The following THSD7A variants were observed in gnomAD, a reference collection of about 807,000 sequenced individuals.
THSD7A encodes thrombospondin type 1 domain containing 7A.
In THSD7A, 96 loss-of-function variants were observed where a neutral mutation model predicts 231.3. That is an observed-to-expected ratio of 0.41 (90% confidence interval 0.35 to 0.49). THSD7A has a LOEUF of 0.49. THSD7A is among the 20% of genes least tolerant of loss of function. The pLI is 0.05. For missense variants in THSD7A, 2,290 were observed against 2,070.2 expected, an observed-to-expected ratio of 1.11 and a Z score of -2.06; for synonymous variants, 940 against 743.3, an observed-to-expected ratio of 1.26 and a Z score of -4.30.
At chr7:11,535,353 A>G (rs550748351) in intron 6 of THSD7A, among the ~76,000 whole-genome samples, 95 of 152,266 alleles carry the variant, frequency 6.2e-4, no homozygotes, top group South Asian at 1.5e-3. Flanking sequence ...ATAGCAGACA[A>G]ATCAGAGTAT....
intron 13 of THSD7A, 88 bp downstream of exon 13, chr7:11,445,973 C>T: frequency 6.7e-7 from 1 of 1,498,958 alleles, no homozygotes; most frequent in Non-Finnish European, 9.2e-7. Flanking sequence ...CGTCTGTAAA[C>T]CTTCACTTCC....
At chr7:11,755,703 T>C (rs1015195441) in intron 1 of THSD7A, among the ~76,000 whole-genome samples, 1 of 152,120 alleles carries the variant, frequency 6.6e-6, no homozygotes, top group Non-Finnish European at 1.5e-5. Flanking sequence ...GTTCCTGCTG[T>C]GCACAGTCAC....
Position 11,417,446 on chromosome 7 carries a change from T to C in THSD7A, c.3537+4A>G. ...TACATTAATAAAAAGGTTAATCATC[T>C]CACCAAAACACATTGGGTCCATGGA... On this transcript the variant is annotated splice_donor_region_variant and intron_variant, in intron 17 of 27. Coordinates refer to ENST00000423059, the MANE Select transcript of THSD7A (RefSeq NM_015204.3). The C allele has an allele frequency of 6.4e-7, 1 of 1,574,742 alleles. No homozygotes were observed. The highest frequency in any genetic ancestry group is 2.3e-5 in the East Asian group (1 of 43,848).
At chr7:11,497,265 C>A (rs887633840) in intron 6 of THSD7A, among the ~76,000 whole-genome samples, 1 of 152,086 alleles carries the variant, frequency 6.6e-6, no homozygotes, top group Admixed American at 6.6e-5. Flanking sequence ...CTCAGCAGGT[C>A]CCTTTCACAA....
Position 11,407,415 on chromosome 7 carries a change from C to G in THSD7A, c.3807G>C (p.Leu1269Phe). 3 of 1,612,180 alleles carry G rather than the reference C, an allele frequency of 1.9e-6. No homozygotes were observed. The highest frequency in any genetic ancestry group is 2.5e-6 in the Non-Finnish European group (3 of 1,179,108). ...VDLKYCEALG[L>F]EKNWQMNTSC... ...ACGTGTTCATCTGCCAGTTCTTCTC[C>G]AAGCCAAGCTGGAAGAACAGAGGTA... The change falls in exon 20 of 28, where the codon TTG becomes TTC. Residue 1269 changes from leucine to phenylalanine, a missense_variant. Coordinates refer to ENST00000423059, the MANE Select transcript of THSD7A (RefSeq NM_015204.3).
At chr7:11,392,992 G>C (rs1486767693) in intron 23 of THSD7A, among the ~76,000 whole-genome samples, 1 of 152,216 alleles carries the variant, frequency 6.6e-6, no homozygotes, top group African/African-American at 2.4e-5. Flanking sequence ...CTGCCTGATG[G>C]CTCTGAAGAG....
At chr7:11,595,240 G>A (rs954645499) in intron 2 of THSD7A, among the ~76,000 whole-genome samples, 4 of 152,130 alleles carry the variant, frequency 2.6e-5, no homozygotes, top group Non-Finnish European at 5.9e-5. Context: ...CTAGAGGTGG[G>A]GTTGACAGTG....
intron 1 of THSD7A, among the ~76,000 whole-genome samples, chr7:11,746,872 T>C (rs1184280321): frequency 6.6e-6 from 1 of 151,882 alleles, no homozygotes; most frequent in Non-Finnish European, 1.5e-5. Flanking sequence ...ATTTTAAATC[T>C]TCTATAAGGA....
At chr7:11,556,608 T>A in intron 4 of THSD7A, among the ~76,000 whole-genome samples, 1 of 151,946 alleles carries the variant, frequency 6.6e-6, no homozygotes, top group East Asian at 1.9e-4. Flanking sequence ...CTTTAATCTT[T>A]CGTTTTTATT....
intron 1 of THSD7A, among the ~76,000 whole-genome samples, chr7:11,750,881 T>C (rs1782478361): frequency 6.6e-6 from 1 of 152,026 alleles, no homozygotes; most frequent in African/African-American, 2.4e-5. Flanking sequence ...AGTCAGGGGA[T>C]TACTAGACAA....
At position 11,382,542 on chromosome 7, in the gene THSD7A, A is replaced by T. The variant is rs1183634659; in HGVS notation, c.4486T>A (p.Ser1496Thr). Residue 1496 changes from serine to threonine, a missense_variant, in exon 24 of 28, where the codon TCA (serine) becomes ACA (threonine). Physicochemically the swap from Ser to Thr is moderately conservative, Grantham distance 58 (BLOSUM62 1). Coordinates refer to ENST00000423059, the MANE Select transcript of THSD7A (RefSeq NM_015204.3). ...GSSRTVWCQR[S>T]DGINVTGGCL... ...TTACCTGTTACATTTATACCATCTG[A>T]CCTTTGACACCACACTGTTCGGGAA... 3 of 1,612,678 alleles carry T rather than the reference A, an allele frequency of 1.9e-6. No homozygotes were observed. Among genetic ancestry groups the T allele is most frequent in the Non-Finnish European group, 2.5e-6 (3 of 1,179,076 alleles).
chr7:11,636,069 C>G lies in THSD7A; in HGVS notation c.1022+61G>C, dbSNP rs771301757. 1.1e-5 allele frequency: 16 copies of G among 1,434,884 alleles called. No individual in the cohort carries two copies. The highest frequency in any genetic ancestry group is 1.5e-5 in the Non-Finnish European group (16 of 1,045,958). 88.9% of individuals were successfully genotyped at this position (1,434,884 alleles called of 1,614,324 possible). A position where few individuals can be genotyped will look rare whatever the true frequency, so the allele number is the denominator to read the frequency against. ...GAAGTTATTAGATAGTACCGGATAT[C>G]TTAGGTACTCATGATTCTTGACAGA... On this transcript the variant is annotated intron_variant, in intron 2 of 27. Transcript: ENST00000423059. The surrounding 1 kb of genome is among the most constrained non-coding windows in gnomAD (Gnocchi z 10.0).
chr7:11,742,596 T>C (rs999798822), intron 1 of THSD7A, among the ~76,000 whole-genome samples: 12 of 151,932 alleles, frequency 7.9e-5, no homozygotes, highest in African/African-American at 2.9e-4. Context: ...TATCCATTTC[T>C]AAGAAATTCT....
intron 1 of THSD7A, among the ~76,000 whole-genome samples, chr7:11,688,341 T>C (rs1024777558): frequency 2.6e-5 from 4 of 151,832 alleles, no homozygotes; most frequent in Non-Finnish European, 4.4e-5. Flanking sequence ...TGGGAATTTC[T>C]AGCTAATGGG....
intron 1 of THSD7A, among the ~76,000 whole-genome samples, chr7:11,697,804 T>C (rs1015937997): frequency 1.3e-5 from 2 of 151,422 alleles, no homozygotes; most frequent in African/African-American, 4.8e-5. Context: ...CTGTCCATAC[T>C]GAATGTCACG....
At chr7:11,605,077 A>G (rs1780689532) in intron 2 of THSD7A, among the ~76,000 whole-genome samples, 1 of 152,052 alleles carries the variant, frequency 6.6e-6, no homozygotes, top group African/African-American at 2.4e-5. Flanking sequence ...TCTTCACTGT[A>G]GTGGCATAAC....
chr7:11,715,407 C>G (rs1293523220), intron 1 of THSD7A, among the ~76,000 whole-genome samples: 1 of 151,248 alleles, frequency 6.6e-6, no homozygotes, highest in Non-Finnish European at 1.5e-5. Context: ...TGAAGAATGC[C>G]TAAAAATAAT....
chr7:11,514,811 A>G (rs944238830), intron 6 of THSD7A, among the ~76,000 whole-genome samples: 4 of 152,164 alleles, frequency 2.6e-5, no homozygotes, highest in African/African-American at 9.6e-5. Context: ...TCCTTTCAAG[A>G]TTATTACTCT....
chr7:11,467,180 T>C (rs1453063237), intron 9 of THSD7A, among the ~76,000 whole-genome samples: 2 of 152,138 alleles, frequency 1.3e-5, no homozygotes, highest in Non-Finnish European at 2.9e-5. Context: ...GCTTTCCTGA[T>C]GTCTCCAATC....
Sources: gnomAD v4.1 joint callset for allele counts (sites outside exome capture counted in the v4.1 genomes callset) on GRCh38, gnomAD v4.1.1 for gene constraint, Gnocchi (gnomAD v3.1) non-coding constraint, MANE v1.5 for transcripts, NCBI Gene and HGNC (gene_info 2026-07-23, HGNC 2026-07-21) for gene names.